CLSPN: variants seen among roughly 807,000 people sequenced by gnomAD.
CLSPN encodes the protein claspin.
A neutral mutation model predicts 156.3 loss-of-function variants in CLSPN; 85 were observed. The observed-to-expected ratio is 0.54, with a 90% CI of 0.46 to 0.65. CLSPN has a LOEUF of 0.65. Among genes scored for constraint, CLSPN ranks in the 30% least tolerant of loss-of-function variants. The pLI is 0.00. For synonymous variants in CLSPN, 534 were observed against 542.4 expected (o/e 0.98, Z 0.22); for missense variants, 1,407 against 1,554.9 (o/e 0.90, Z 1.60).
At chr1:35,729,513 G>A (rs1314511525), downstream of CLSPN, among the ~76,000 whole-genome samples, 1 of 152,190 alleles carries the variant, frequency 6.6e-6, no homozygotes, top group Non-Finnish European at 1.5e-5. Flanking sequence ...AAGAGGGGAT[G>A]GGAAGGACGT....
intron 20 of CLSPN, 121 bp downstream of exon 20, chr1:35,739,015 G>T: frequency 8.9e-7 from 1 of 1,127,546 alleles, no homozygotes; most frequent in Non-Finnish European, 1.3e-6. Flanking sequence ...TGTTCAGGCT[G>T]GTCCTGAACT....
exon 25 of CLSPN, chr1:35,720,785 AG>A (rs1274299876): frequency 1.1e-5 from 8 of 721,884 alleles, no homozygotes; most frequent in Non-Finnish European, 1.8e-5. Context: ...TTGGTGATCT[AG>A]GGTTATGCAG....
At chr1:35,766,208 C>G (rs1045900881) in intron 1 of CLSPN, among the ~76,000 whole-genome samples, 3 of 151,124 alleles carry the variant, frequency 2.0e-5, no homozygotes, top group Non-Finnish European at 3.0e-5. Flanking sequence ...CTGGCCAGGC[C>G]GGTTGCAAAC....
At position 35,737,043 on chromosome 1, in the gene CLSPN, T is replaced by A. The variant is rs1361557064; in HGVS notation, c.3780A>T (p.Lys1260Asn). 3 of 1,614,164 alleles carry A rather than the reference T, an allele frequency of 1.9e-6. No individual in the cohort carries two copies. The highest frequency in any genetic ancestry group is 8.5e-7 in the Non-Finnish European group (1 of 1,180,028). Reference protein sequence around the residue: ...VKTGSLLNQPKAVLQKLAALS... With the variant: ...VKTGSLLNQPNAVLQKLAALS... ...GAGCAGCCAGTTTCTGAAGCACAGC[T>A]TTGGGCTGGTTTAGCAGTGAGCCTG... is the stretch of plus-strand genomic sequence containing the variant. Residue 1260 changes from lysine to asparagine, a missense_variant, in exon 24 of 25, where the codon AAA becomes AAT. Around this residue, in one of 3 missense-constraint regions of CLSPN, gnomAD observed 241 missense variants for 240.5 expected, o/e 1.00. Transcript: ENST00000318121.
At chr1:35,754,021 T>G in intron 8 of CLSPN, 85 bp from the exon 9 acceptor site, 1 of 1,238,082 alleles carries the variant, frequency 8.1e-7, no homozygotes, top group Non-Finnish European at 1.1e-6. Context: ...TTTTTTTAGC[T>G]CAACAATTAT....
At chr1:35,748,320 G>A (rs1641960947) in intron 13 of CLSPN, 85 bp downstream of exon 13, 1 of 1,269,304 alleles carries the variant, frequency 7.9e-7, no homozygotes, top group African/African-American at 1.5e-5. Context: ...CCAACGTGGT[G>A]GGAGTTGGTT....
Position 35,738,113 on chromosome 1 carries a change from A to AAATAT in CLSPN, c.3559-17_3559-16insATATT, listed in dbSNP as rs1376351973. 5.5e-6 allele frequency: 2 copies of AAATAT among 362,626 alleles called. No homozygotes were observed. The highest frequency in any genetic ancestry group is 7.4e-6 in the Non-Finnish European group (2 of 271,580). The allele number at this position is 362,626 out of a possible 1,614,324, so 22.5% of individuals were successfully genotyped here. A position where few individuals can be genotyped will look rare whatever the true frequency, so the allele number is the denominator to read the frequency against. On this transcript the variant is annotated splice_polypyrimidine_tract_variant and intron_variant, in intron 21 of 24. Coordinates refer to ENST00000318121, the MANE Select transcript of CLSPN (RefSeq NM_022111.4). ...CCTGCTGTGCCTGAAAAAAAAAAAA[A>AAATAT]ATATATATATATATATATATATATA...
intron 24 of CLSPN, among the ~76,000 whole-genome samples, chr1:35,722,529 C>T (rs1260148460): frequency 6.6e-6 from 1 of 151,904 alleles, no homozygotes; most frequent in South Asian, 2.1e-4. Context: ...GGATTTCAGG[C>T]GTGAGCCACC....
Position 35,760,285 on chromosome 1 carries a change from A to G in CLSPN, c.1579+57T>C, listed in dbSNP as rs1642427954. The G allele has an allele frequency of 7.2e-6, 10 of 1,396,848 alleles. No homozygotes were observed. In the South Asian group the frequency reaches 1.2e-4, roughly 17 times the overall value. The allele number at this position is 1,396,848 out of a possible 1,614,324, so 86.5% of individuals were successfully genotyped here. On this transcript the variant is annotated intron_variant, in intron 8 of 24. Transcript: ENST00000318121. ...TCTCTGTCCTCGACAGTAGTCAATA[A>G]TCAAAAGCTACCAGGATAATCACTC...
rs747651535 is a variant in CLSPN, at chr1:35,753,732, TG to T, written c.1771+12del. 15 of 1,613,580 alleles carry T rather than the reference TG, an allele frequency of 9.3e-6. No individual in the cohort carries two copies. The South Asian group carries it at 1.5e-4, about 17-fold the overall frequency. On this transcript the variant is annotated intron_variant, in intron 9 of 24. Transcript: ENST00000318121. ...AGCAAAAAGCAAAAAACAAAACCTGTGGGCTCAAATACCTGGTTTTGTGTGG... is the reference window on the plus strand; with the variant it reads ...AGCAAAAAGCAAAAAACAAAACCTGTGGCTCAAATACCTGGTTTTGTGTGG...
At chr1:35,737,241 A>G in intron 23 of CLSPN, 98 bp downstream of exon 23, 1 of 1,279,612 alleles carries the variant, frequency 7.8e-7, no homozygotes, top group East Asian at 2.3e-5. Flanking sequence ...CCCTGCAGCC[A>G]CCTCCTTCCT....
chr1:35,741,709 TCACGC>T (rs1641697019), intron 18 of CLSPN, among the ~76,000 whole-genome samples: 1 of 151,008 alleles, frequency 6.6e-6, no homozygotes, highest in African/African-American at 2.4e-5. Flanking sequence ...GTGGGGTGGC[TCACGC>T]CTGTAATCCC....
intron 18 of CLSPN, among the ~76,000 whole-genome samples, 163 bp from the exon 19 acceptor site, chr1:35,739,692 TTAA>T (rs1641625855): frequency 6.6e-6 from 1 of 152,246 alleles, no homozygotes; most frequent in Non-Finnish European, 1.5e-5. Context: ...ATGGTTTGAC[TTAA>T]TGATTTTTCA....
intron 9 of CLSPN, among the ~76,000 whole-genome samples, chr1:35,753,482 TTAAG>T (rs1202394123): frequency 6.6e-6 from 1 of 152,108 alleles, no homozygotes; most frequent in Non-Finnish European, 1.5e-5. Flanking sequence ...TGATAGAAGA[TTAAG>T]TTTTTCATTT....
chr1:35,764,681 A>C lies in CLSPN; in HGVS notation c.167T>G (p.Leu56Trp). ...SDEEIFVSKK[L>W]KNRKVLQDSD... ...GTCTTGTAGAACCTTCCTGTTTTTC[A>C]ACTTCTTACTTACAAATATCTCTTC... is the stretch of plus-strand genomic sequence containing the variant. Residue 56 changes from leucine (L) to tryptophan (W), a missense_variant, in exon 3 of 25, where the codon TTG becomes TGG. Coordinates refer to ENST00000318121, the MANE Select transcript of CLSPN (RefSeq NM_022111.4). 6.3e-7 allele frequency: 1 copy of C among 1,582,294 alleles called. No homozygotes were observed. The highest frequency in any genetic ancestry group is 1.7e-4 in the Middle Eastern group (1 of 5,908).
At chr1:35,722,923 A>AC (rs1641107401) in intron 24 of CLSPN, among the ~76,000 whole-genome samples, 1 of 152,120 alleles carries the variant, frequency 6.6e-6, no homozygotes, top group Non-Finnish European at 1.5e-5. Flanking sequence ...GAACCACCAC[A>AC]CCCAGCCTGT....
At chr1:35,727,115 TG>T (rs1305103619), downstream of CLSPN, among the ~76,000 whole-genome samples, 1 of 152,208 alleles carries the variant, frequency 6.6e-6, no homozygotes, top group Non-Finnish European at 1.5e-5. Flanking sequence ...TCTAAAGGCT[TG>T]GCCACCAGGA....
chr1:35,736,649 T>A (rs772453507), intron 24 of CLSPN, 43 bp from the exon 25 acceptor site: 1 of 1,561,832 alleles, frequency 6.4e-7, no homozygotes, highest in Non-Finnish European at 8.6e-7. Context: ...AAGACCTTCA[T>A]ACAAGTATTT....
intron 1 of CLSPN, among the ~76,000 whole-genome samples, chr1:35,765,995 T>TCTCTC (rs1553138635): frequency 7.0e-4 from 1 of 1,434 alleles, no homozygotes; most frequent in African/African-American, 1.9e-3. Context: ...TCTCTCTCTC[T>TCTCTC]TTTTTTTTTT....
Sources: allele counts gnomAD v4.1 joint callset (sites outside exome capture counted in the v4.1 genomes callset), GRCh38; gene constraint gnomAD v4.1.1; regional missense constraint gnomAD v4.1.1; transcripts MANE v1.5; gene names NCBI Gene and HGNC (gene_info 2026-07-23, HGNC 2026-07-21).